Variants in PRSS23 observed in about 807,000 individuals in gnomAD.
PRSS23 encodes protease, serine 23.
PRSS23 carries 25 observed loss-of-function variants against 34.7 expected under a neutral mutation model. The observed-to-expected ratio is 0.72, with a 90% CI of 0.53 to 1.01. The LOEUF (loss-of-function observed/expected upper bound fraction) is 1.01, where lower values mean the gene tolerates loss of function less well. PRSS23 is among the 50% of genes least tolerant of loss of function. The pLI is 0.00. For missense variants in PRSS23, 445 were observed against 475.6 expected (o/e 0.94, Z 0.60); for synonymous variants, 176 against 186.6 (o/e 0.94, Z 0.46).
chr11:86,879,546 TG>T (rs1175475285), intron 2 of PRSS23, among the ~76,000 whole-genome samples: 3 of 103,622 alleles, frequency 2.9e-5, no homozygotes, highest in Middle Eastern at 9.3e-3. Flanking sequence ...GGGAGGGAGG[TG>T]GGGGGGTCAG....
intron 2 of PRSS23, chr11:86,948,730 T>C (rs941231359): frequency 3.3e-5 from 5 of 152,286 alleles, no homozygotes; most frequent in South Asian, 2.1e-4. Context: ...TATTTAGTCA[T>C]TGACAAGTAT....
At chr11:86,892,925 C>A (rs1565379063) in intron 2 of PRSS23, among the ~76,000 whole-genome samples, 1 of 152,076 alleles carries the variant, frequency 6.6e-6, no homozygotes. Context: ...TATTGTCCCC[C>A]AAAATTTATG....
chr11:86,920,573 C>T (rs7129382), intron 2 of PRSS23, among the ~76,000 whole-genome samples: 95,023 of 151,426 alleles, frequency 0.63, 30,316 homozygotes, highest in Non-Finnish European at 0.7. Context: ...CACTTAAATA[C>T]GGACGTTTAC....
At chr11:86,806,985 A>G (rs1458286676) in intron 1 of PRSS23, among the ~76,000 whole-genome samples, 1 of 152,236 alleles carries the variant, frequency 6.6e-6, no homozygotes, top group Non-Finnish European at 1.5e-5. Flanking sequence ...TATATATAAT[A>G]GTAAAGGTTG....
At chr11:86,885,748 TCTCTCC>T (rs1340808159) in intron 2 of PRSS23, among the ~76,000 whole-genome samples, 1 of 152,202 alleles carries the variant, frequency 6.6e-6, no homozygotes, top group African/African-American at 2.4e-5. Flanking sequence ...TCTCTCTTTC[TCTCTCC>T]CTCTCTCTTT....
chr11:86,818,636 G>A (rs772465941), intron 1 of PRSS23, among the ~76,000 whole-genome samples: 20 of 152,150 alleles, frequency 1.3e-4, no homozygotes, highest in Non-Finnish European at 2.8e-4. Context: ...TTGCCAACTG[G>A]ACTGACTTTT....
chr11:86,892,801 G>T (rs1310955943), intron 2 of PRSS23, among the ~76,000 whole-genome samples: 1 of 152,040 alleles, frequency 6.6e-6, no homozygotes, highest in East Asian at 1.9e-4. Flanking sequence ...GAGTGAAAAA[G>T]GTACTAGGGG....
At chr11:86,931,927 G>T (rs1301514931) in intron 2 of PRSS23, among the ~76,000 whole-genome samples, 12 of 152,140 alleles carry the variant, frequency 7.9e-5, no homozygotes, top group African/African-American at 2.9e-4. Flanking sequence ...TATTATTGGG[G>T]ACCAAATAAA....
downstream of PRSS23, among the ~76,000 whole-genome samples, chr11:86,813,731 GAGA>G (rs1475636525): frequency 6.6e-6 from 1 of 151,976 alleles, no homozygotes; most frequent in East Asian, 1.9e-4. Flanking sequence ...TTTTTTAATG[GAGA>G]AGGAGACTTA....
chr11:86,933,161 ACTC>A (rs1949137747), intron 2 of PRSS23: 1 of 151,494 alleles, frequency 6.6e-6, no homozygotes, highest in African/African-American at 2.4e-5. Flanking sequence ...TGACCAAACT[ACTC>A]CTGCCAAGGA....
At position 86,851,581 on chromosome 11, in the gene PRSS23, G is replaced by A. The variant is rs146359706; in HGVS notation, c.206+27988G>A. 7.5e-4 allele frequency among the ~76,000 whole-genome samples: 114 copies of A among 152,316 alleles called. No homozygotes were observed. In the East Asian group the frequency reaches 0.019, roughly 25 times the overall value. The stretch of plus-strand genomic sequence containing the variant: ...TGGACGTAGACTGCCTGGTTCAAAT[G>A]GGAATTCACCCTTTTCGACTTCATG... On this transcript the variant is annotated intron_variant, in intron 2 of 2. Transcript: ENST00000533902.
At chr11:86,829,138 A>T (rs1438206093) in intron 2 of PRSS23, among the ~76,000 whole-genome samples, 3 of 152,186 alleles carry the variant, frequency 2.0e-5, no homozygotes, top group Non-Finnish European at 4.4e-5. Flanking sequence ...CACCAGTCAG[A>T]TGTAGATTTG....
rs1948294062 is a variant in PRSS23, at chr11:86,825,635, T to C, written c.206+2042T>C. On this transcript the variant is annotated intron_variant, in intron 2 of 2. Transcript: ENST00000533902. ...TTAGGTCTAACGTTTAAGTCTTTAA[T>C]CCATCTTGAATTGATTTTTGTATAA... Among the ~76,000 whole-genome samples, 3 of 151,962 alleles carry C rather than the reference T, an allele frequency of 2.0e-5. No individual in the cohort carries two copies. The South Asian group carries it at 6.3e-4, about 32-fold the overall frequency.
intron 2 of PRSS23, among the ~76,000 whole-genome samples, chr11:86,884,506 G>A (rs1381285174): frequency 1.3e-5 from 2 of 152,044 alleles, no homozygotes; most frequent in African/African-American, 4.8e-5. Context: ...CTCCATGCTG[G>A]CCAAGCTGGT....
intron 2 of PRSS23, among the ~76,000 whole-genome samples, chr11:86,861,620 G>A (rs1465496853): frequency 6.6e-6 from 1 of 151,818 alleles, no homozygotes; most frequent in East Asian, 1.9e-4. Context: ...GGGAGGTGGG[G>A]AGAGGATGAT....
intron 2 of PRSS23, among the ~76,000 whole-genome samples, chr11:86,862,621 G>C (rs933875825): frequency 6.6e-6 from 1 of 151,458 alleles, no homozygotes; most frequent in South Asian, 2.1e-4. Flanking sequence ...AATAGTATTT[G>C]TAATATTTTA....
rs1469967383 is a variant in PRSS23 at position 86,807,675 on chromosome 11, T to C, written c.32T>C (p.Leu11Pro). 1 of 1,612,950 alleles carries C rather than the reference T, an allele frequency of 6.2e-7. No homozygotes were observed. Among genetic ancestry groups the C allele is most frequent in the Admixed American group, 1.7e-5 (1 of 59,928 alleles). The change falls in exon 2 of 2, where the codon CTC becomes CCC. Residue 11 changes from leucine (L) to proline (P), a missense_variant. Coordinates refer to ENST00000280258, the MANE Select transcript of PRSS23 (RefSeq NM_007173.6). Reference sequence around the variant, plus strand: ...GGGATTCCAGGGCTCCTCTTCCTTCTCTTCTTTCTGCTCTGTGCTGTTGGG... The same window carrying C: ...GGGATTCCAGGGCTCCTCTTCCTTCCCTTCTTTCTGCTCTGTGCTGTTGGG... MAGIPGLLFL[L>P]FFLLCAVGQV...
intron 2 of PRSS23, among the ~76,000 whole-genome samples, chr11:86,859,507 A>G (rs907564674): frequency 6.6e-6 from 1 of 151,576 alleles, no homozygotes; most frequent in Non-Finnish European, 1.5e-5. Context: ...ATCCAGGGGG[A>G]GAGTTGAAGA....
chr11:86,857,191 C>A, intron 2 of PRSS23: 2 of 337,118 alleles, frequency 5.9e-6, no homozygotes, highest in East Asian at 8.1e-5. Flanking sequence ...TGCCACCACT[C>A]CATTCCTGGG....
Sources: allele counts gnomAD v4.1 joint callset (sites outside exome capture counted in the v4.1 genomes callset), GRCh38; gene constraint gnomAD v4.1.1; transcripts MANE v1.5; gene names NCBI Gene and HGNC (gene_info 2026-07-23, HGNC 2026-07-21).